MFN2: variants seen among roughly 807,000 people sequenced by gnomAD.
MFN2 encodes mitofusin-2.
A neutral mutation model predicts 87.5 loss-of-function variants in MFN2; 43 were observed. The ratio of observed to expected loss-of-function variants is 0.49; its 90% confidence interval spans 0.38 to 0.63. The LOEUF is 0.63. Among genes scored for constraint, MFN2 ranks in the 30% least tolerant of loss-of-function variants. The pLI, the probability that MFN2 is intolerant of heterozygous loss-of-function variation, is 0.00. For missense variants in MFN2, 743 were observed against 972.8 expected, an observed-to-expected ratio of 0.76 and a Z score of 3.14; for synonymous variants, 337 against 359.9, an observed-to-expected ratio of 0.94 and a Z score of 0.72.
intron 5 of MFN2, 39 bp downstream of exon 5, chr1:11,996,357 G>T (rs1638907626): frequency 1.2e-6 from 2 of 1,612,454 alleles, no homozygotes; most frequent in Non-Finnish European, 1.7e-6. Context: ...TGTGCCTGCT[G>T]GGGGAGCAAG....
intron 11 of MFN2, 112 bp downstream of exon 11, chr1:12,002,215 C>T: frequency 6.4e-7 from 1 of 1,550,956 alleles, no homozygotes; most frequent in East Asian, 2.3e-5. Context: ...TCTCTGGGCT[C>T]CCATCCAGAG....
At chr1:11,998,124 C>T (rs1639008340) in intron 6 of MFN2, among the ~76,000 whole-genome samples, 2 of 151,392 alleles carry the variant, frequency 1.3e-5, no homozygotes, top group African/African-American at 2.4e-5. Flanking sequence ...CCTCATGATC[C>T]GCCCACCTTA....
chr1:12,013,215 G>T lies in MFN2; in HGVS notation c.*1650G>T. 2.9e-6 allele frequency: 1 copy of T among 340,152 alleles called. No individual in the cohort carries two copies. 21.1% of individuals were successfully genotyped at this position (340,152 alleles called of 1,614,324 possible). ...TTTTGAAAAAAAAAAATTCTTTAGC[G>T]TAAACATGAATTTTTTTTCAATGTA... On this transcript the variant is annotated 3_prime_UTR_variant, in exon 19 of 19. Transcript: ENST00000235329.
chr1:11,996,428 G>A, intron 5 of MFN2, 110 bp downstream of exon 5: 1 of 1,268,190 alleles, frequency 7.9e-7, no homozygotes, highest in Non-Finnish European at 1.1e-6. Context: ...CCCTGTGGAG[G>A]TGAATGGGAG....
Position 12,006,668 on chromosome 1 carries a change from T to C in MFN2, c.1847T>C (p.Met616Thr). Residue 616 changes from methionine to threonine, a missense_variant, in exon 16 of 19, where the codon ATG (methionine) becomes ACG (threonine). Coordinates refer to ENST00000235329, the MANE Select transcript of MFN2 (RefSeq NM_014874.4). The stretch of plus-strand genomic sequence containing the variant: ...GCCTCCTTGACATCCAGGACCTCCA[T>C]GGGCATTCTTGTTGTTGGAGGAGTG... ...GLASLTSRTS[M>T]GILVVGGVVW... The C allele has an allele frequency of 6.2e-7, 1 of 1,609,072 alleles. No homozygotes were observed. The highest frequency in any genetic ancestry group is 8.5e-7 in the Non-Finnish European group (1 of 1,177,602).
rs1639745773 is a variant in MFN2 at position 12,012,801 on chromosome 1, T to TAAA, written c.*1236_*1237insAAA. 1 of 152,884 alleles carries TAAA rather than the reference T, an allele frequency of 6.5e-6. No homozygotes were observed. The highest frequency in any genetic ancestry group is 1.5e-5 in the Non-Finnish European group (1 of 68,574). 9.5% of individuals were successfully genotyped at this position (152,884 alleles called of 1,614,324 possible). ...TGGGGGCAGATGCCTGTCACCAAGG[T>TAAA]GTTGACTGTGTGAGAAAAGCAGTTT... On this transcript the variant is annotated 3_prime_UTR_variant, in exon 19 of 19. Transcript: ENST00000235329.
chr1:12,009,721 G>A lies in MFN2; in HGVS notation c.2199G>A (p.Leu733=), dbSNP rs750305731. ...VLDSLQSKAK[L]LRNKAGWLDS... is the part of the protein sequence containing the mutation. ...ACTCACTTCAGAGCAAAGCAAAGCT[G>A]CTCAGGTGAGGCTGGCCCGTGTGGC... The change falls in exon 18 of 19, where the codon CTG becomes CTA. Residue 733 remains leucine, a synonymous_variant. Coordinates refer to ENST00000235329, the MANE Select transcript of MFN2 (RefSeq NM_014874.4). 15 of 1,614,230 alleles carry A rather than the reference G, an allele frequency of 9.3e-6. 1 individual carries two copies. The South Asian group carries it at 1.4e-4, about 15-fold the overall frequency.
At position 12,002,947 on chromosome 1, in the gene MFN2, A is replaced by G. The variant is rs1639241087; in HGVS notation, c.1160+844A>G. 2.6e-5 allele frequency among the ~76,000 whole-genome samples: 4 copies of G among 152,210 alleles called. No individual in the cohort carries two copies. In the South Asian group the frequency reaches 8.3e-4, roughly 31 times the overall value. ...CAGATGTGGCATCACACTGTCTGTC[A>G]CTGTACCTGGCTTTGCTTTCTCAAC... On this transcript the variant is annotated intron_variant, in intron 11 of 18. Coordinates refer to ENST00000235329, the MANE Select transcript of MFN2 (RefSeq NM_014874.4).
chr1:11,999,708 A>G (rs1639087367), intron 8 of MFN2, among the ~76,000 whole-genome samples: 1 of 152,098 alleles, frequency 6.6e-6, no homozygotes, highest in Non-Finnish European at 1.5e-5. Flanking sequence ...AACAAACGGC[A>G]TGGTGGTGCA....
intron 6 of MFN2, among the ~76,000 whole-genome samples, chr1:11,997,841 T>C (rs1013879863): frequency 6.7e-6 from 1 of 149,918 alleles, no homozygotes; most frequent in Non-Finnish European, 1.5e-5. Flanking sequence ...TTATCTGGAC[T>C]CACATCAAGT....
rs1225991583 is a variant in MFN2 at position 12,003,222 on chromosome 1, TAGTC to T, written c.1161-766_1161-763del. Among the ~76,000 whole-genome samples, 27 of 151,418 alleles carry T rather than the reference TAGTC, an allele frequency of 1.8e-4. No homozygotes were observed. Among genetic ancestry groups the T allele is most frequent in the African/African-American group, 6.3e-4 (26 of 41,240 alleles). On this transcript the variant is annotated intron_variant, in intron 11 of 18. Coordinates refer to ENST00000235329, the MANE Select transcript of MFN2 (RefSeq NM_014874.4). This position sits in a 1 kb window ranked among gnomAD's most constrained non-coding sequence, Gnocchi z 4.1. ...TTTAGGGTACACGCGTTTCCAGTTT[TAGTC>T]AGTTTTCTTGATGCTCTTCAGAACA...
rs539250429 is a variant in MFN2 at position 11,991,008 on chromosome 1, C to T, written c.176-1547C>T. 1.3e-4 allele frequency among the ~76,000 whole-genome samples: 20 copies of T among 152,322 alleles called. No homozygotes were observed. In the South Asian group the frequency reaches 3.9e-3, roughly 30 times the overall value. The stretch of plus-strand genomic sequence containing the variant: ...TCTCAGGGCTGGGGCCTGTCAGCCT[C>T]ATAGTTCCCAGGAGTGTGCAGAGGG... On this transcript the variant is annotated intron_variant, in intron 3 of 18. Transcript: ENST00000235329.
chr1:11,992,461 AG>A, intron 3 of MFN2, 93 bp from the exon 4 acceptor site: 1 of 1,512,570 alleles, frequency 6.6e-7, no homozygotes, highest in Non-Finnish European at 9.2e-7. Context: ...GGACTCGTTT[AG>A]GGTAAGCAGG....
At chr1:12,007,753 C>G (rs1178573115) in intron 17 of MFN2, among the ~76,000 whole-genome samples, 1 of 151,914 alleles carries the variant, frequency 6.6e-6, no homozygotes, top group Non-Finnish European at 1.5e-5. Flanking sequence ...TGTCTTATAG[C>G]CATCTCCTTT....
At chr1:12,010,762 G>C (rs564353719) in intron 18 of MFN2, among the ~76,000 whole-genome samples, 1 of 152,292 alleles carries the variant, frequency 6.6e-6, no homozygotes, top group African/African-American at 2.4e-5. Context: ...TCATGACACA[G>C]CTGCATGACT....
In MFN2 at chr1:12,005,894, A is replaced by G. The variant is rs754458177; in HGVS notation, c.1679A>G (p.Lys560Arg). ...CTGGTGAATAGGTTCCTGGGCCCCA[A>G]GAACAGCCGTCGGGCCTTGATGGGC... ...TMLVNRFLGP[K>R]NSRRALMGYN... Residue 560 changes from lysine to arginine, a missense_variant, in exon 15 of 19, where the codon AAG (lysine) becomes AGG (arginine). Transcript: ENST00000235329. 4 of 1,613,992 alleles carry G rather than the reference A, an allele frequency of 2.5e-6. No individual in the cohort carries two copies. The African/African-American group carries it at 4.0e-5, about 16-fold the overall frequency.
At position 12,011,537 on chromosome 1, in the gene MFN2, C is replaced by T. The variant is rs1344389295; in HGVS notation, c.2246C>T (p.Thr749Ile). The T allele has an allele frequency of 6.2e-7, 1 of 1,614,174 alleles. No homozygotes were observed. The highest frequency in any genetic ancestry group is 1.1e-5 in the South Asian group (1 of 91,074). Residue 749 changes from threonine to isoleucine, a missense_variant, in exon 19 of 19, where the codon ACA becomes ATA. Thr to Ile is a moderately conservative substitution (Grantham distance 89, BLOSUM62 -1). This residue lies in a region of MFN2 where 571 missense variants were observed against 670.7 expected (regional missense o/e 0.85). Coordinates refer to ENST00000235329, the MANE Select transcript of MFN2 (RefSeq NM_014874.4). Reference sequence around the variant, plus strand: ...TTGGACAGTGAGCTCAACATGTTCACACACCAGTACCTGCAGCCCAGCAGA... The same window carrying T: ...TTGGACAGTGAGCTCAACATGTTCATACACCAGTACCTGCAGCCCAGCAGA... ...GWLDSELNMF[T>I]HQYLQPSR
chr1:12,005,270 A>G (rs924316439), intron 14 of MFN2, among the ~76,000 whole-genome samples: 1 of 152,050 alleles, frequency 6.6e-6, no homozygotes. Context: ...TTTAGTAGAG[A>G]TGGGGTTTTG....
At position 12,002,134 on chromosome 1, in the gene MFN2, AGAGCTGCC is replaced by A. The variant is rs533317783; in HGVS notation, c.1160+35_1160+42del. ...AGTCCAAGACTGCAGATAGGTGGAG[AGAGCTGCC>A]GAGACAAGGGTGCTCCACCCCTGCC... On this transcript the variant is annotated intron_variant, in intron 11 of 18. Coordinates refer to ENST00000235329, the MANE Select transcript of MFN2 (RefSeq NM_014874.4). 445 of 1,613,882 alleles carry A rather than the reference AGAGCTGCC, an allele frequency of 2.8e-4. 6 individuals are homozygous for A. The South Asian group carries it at 4.7e-3, about 17-fold the overall frequency.
Sources: allele counts gnomAD v4.1 joint callset (sites outside exome capture counted in the v4.1 genomes callset), GRCh38; gene constraint gnomAD v4.1.1; regional missense constraint gnomAD v4.1.1; non-coding constraint Gnocchi (gnomAD v3.1); transcripts MANE v1.5; gene names NCBI Gene and HGNC (gene_info 2026-07-23, HGNC 2026-07-21).